Variants in SLC35D4 observed in about 807,000 individuals in gnomAD.
SLC35D4 encodes the protein UDP-N-acetylglucosamine transporter SLC35D4.
At chr18:23,311,249 C>T in the SLC35D4 span, among the ~76,000 whole-genome samples, 154 of 152,144 alleles carry the variant, frequency 1.0e-3, no homozygotes, top group African/African-American at 3.5e-3. Flanking sequence ...ACTGCCACAC[C>T]CAGCTAATTT....
chr18:23,398,555 G>A, the SLC35D4 span, among the ~76,000 whole-genome samples: 2 of 152,100 alleles, frequency 1.3e-5, no homozygotes, highest in Non-Finnish European at 2.9e-5. Context: ...TCAGTTCTCA[G>A]GCCCACCCAG....
the SLC35D4 span, among the ~76,000 whole-genome samples, chr18:23,350,153 G>A: frequency 5.3e-5 from 8 of 152,178 alleles, no homozygotes; most frequent in Non-Finnish European, 1.2e-4. Flanking sequence ...TGTTGTTATT[G>A]TTGTTTTGCT....
the SLC35D4 span, among the ~76,000 whole-genome samples, chr18:23,252,378 T>A: frequency 3.3e-5 from 5 of 152,202 alleles, no homozygotes; most frequent in African/African-American, 1.2e-4. Flanking sequence ...GTATGTGATG[T>A]GTATTTTACC....
chr18:23,315,096 T>C, the SLC35D4 span, among the ~76,000 whole-genome samples: 3 of 152,186 alleles, frequency 2.0e-5, no homozygotes, highest in African/African-American at 7.2e-5. Context: ...TTAGGTTTAT[T>C]GTTCTATTGG....
the SLC35D4 span, among the ~76,000 whole-genome samples, chr18:23,239,478 T>G: frequency 6.6e-6 from 1 of 152,228 alleles, no homozygotes; most frequent in Non-Finnish European, 1.5e-5. Flanking sequence ...ACAAAGGGCC[T>G]CAACCCCCCA....
At chr18:23,373,592 G>A in the SLC35D4 span, 8 of 1,104,636 alleles carry the variant, frequency 7.2e-6, no homozygotes, top group East Asian at 1.5e-4. Flanking sequence ...GATTTGGAAT[G>A]CTTCTGCATA....
chr18:23,318,329 A>G, the SLC35D4 span, among the ~76,000 whole-genome samples: 1 of 152,210 alleles, frequency 6.6e-6, no homozygotes, highest in Non-Finnish European at 1.5e-5. Flanking sequence ...TGTTGTAGAT[A>G]TGAGTCCCAT....
chr18:23,296,585 G>C, the SLC35D4 span: 1 of 152,128 alleles, frequency 6.6e-6, no homozygotes, highest in African/African-American at 2.4e-5. Flanking sequence ...TGGGATTATA[G>C]GCGTGAGCCA....
At chr18:23,392,000 C>T in the SLC35D4 span, among the ~76,000 whole-genome samples, 2 of 150,914 alleles carry the variant, frequency 1.3e-5, no homozygotes, top group African/African-American at 2.4e-5. Flanking sequence ...TGCAGTGATG[C>T]GATCTTGGCT....
the SLC35D4 span, among the ~76,000 whole-genome samples, chr18:23,285,320 CCTT>C: frequency 6.6e-6 from 1 of 151,970 alleles, no homozygotes; most frequent in Non-Finnish European, 1.5e-5. Context: ...TTCCATTCCT[CCTT>C]CTTCTCCCTT....
the SLC35D4 span, among the ~76,000 whole-genome samples, chr18:23,343,821 T>A: frequency 2.0e-5 from 3 of 152,100 alleles, no homozygotes; most frequent in African/African-American, 7.2e-5. Flanking sequence ...CGATATTTGG[T>A]GTTCTATTCC....
At chr18:23,252,036 AG>A in the SLC35D4 span, among the ~76,000 whole-genome samples, 1 of 151,578 alleles carries the variant, frequency 6.6e-6, no homozygotes, top group East Asian at 2.0e-4. Flanking sequence ...CAGCGAACCA[AG>A]ATTGCACCGC....
chr18:23,380,715 A>G, the SLC35D4 span, among the ~76,000 whole-genome samples: 5 of 152,164 alleles, frequency 3.3e-5, no homozygotes, highest in African/African-American at 1.2e-4. Flanking sequence ...ATTAAACTAT[A>G]ATAAATAATT....
At chr18:23,392,829 C>T in the SLC35D4 span, among the ~76,000 whole-genome samples, 2 of 152,334 alleles carry the variant, frequency 1.3e-5, no homozygotes, top group South Asian at 4.1e-4. Context: ...CAGAGGAGTT[C>T]TGAGTGAGAC....
At chr18:23,366,373 A>G in the SLC35D4 span, among the ~76,000 whole-genome samples, 172 of 152,290 alleles carry the variant, frequency 1.1e-3, 1 homozygote, top group African/African-American at 3.7e-3. Flanking sequence ...AACCTCTTCT[A>G]TCAAAACTCA....
At chr18:23,341,752 A>G in the SLC35D4 span, among the ~76,000 whole-genome samples, 1 of 152,156 alleles carries the variant, frequency 6.6e-6, no homozygotes, top group South Asian at 2.1e-4. Flanking sequence ...GAGAGAGGGG[A>G]GATTGCTTGA....
the SLC35D4 span, among the ~76,000 whole-genome samples, chr18:23,334,134 T>C: frequency 2.0e-5 from 3 of 152,206 alleles, no homozygotes; most frequent in Non-Finnish European, 4.4e-5. Context: ...TGGTGGGCAT[T>C]TGATATATCA....
At chr18:23,408,448 AC>A in the SLC35D4 span, among the ~76,000 whole-genome samples, 1 of 152,184 alleles carries the variant, frequency 6.6e-6, no homozygotes, top group Non-Finnish European at 1.5e-5. Flanking sequence ...CTAGATTGTT[AC>A]AAGGGGAAAA....
At chr18:23,358,174 T>C in the SLC35D4 span, among the ~76,000 whole-genome samples, 4 of 152,344 alleles carry the variant, frequency 2.6e-5, no homozygotes, top group Admixed American at 2.6e-4. Flanking sequence ...CTGTGTGCTC[T>C]TGGCCCTTTC....
Sources: allele counts gnomAD v4.1 joint callset (sites outside exome capture counted in the v4.1 genomes callset), GRCh38; gene constraint gnomAD v4.1.1; transcripts MANE v1.5; gene names NCBI Gene and HGNC (gene_info 2026-07-23, HGNC 2026-07-21).